Variants in PPFIA2 observed in about 807,000 individuals in gnomAD.
PPFIA2 encodes liprin-alpha-2.
In PPFIA2, 46 loss-of-function variants were observed where a neutral mutation model predicts 175.5. The ratio of observed to expected loss-of-function variants is 0.26; its 90% CI spans 0.21 to 0.34. The LOEUF (loss-of-function observed/expected upper bound fraction) is 0.34. Among genes scored for constraint, PPFIA2 ranks in the 10% least tolerant of loss-of-function variants. PPFIA2 has a pLI of 1.00. For synonymous variants in PPFIA2, 568 were observed against 511.4 expected (o/e 1.11, Z -1.49); for missense variants, 1,179 against 1,506.1 (o/e 0.78, Z 3.60).
chr12:81,362,312 A>G (rs1447716364), intron 15 of PPFIA2, among the ~76,000 whole-genome samples: 4 of 151,364 alleles, frequency 2.6e-5, no homozygotes, highest in African/African-American at 7.3e-5. Flanking sequence ...ACACATATAG[A>G]AAATTTTATG....
chr12:81,576,533 G>A (rs1315386742), intron 4 of PPFIA2, among the ~76,000 whole-genome samples: 1 of 151,576 alleles, frequency 6.6e-6, no homozygotes, highest in Non-Finnish European at 1.5e-5. Flanking sequence ...GTTTTTCTGG[G>A]TCTCATGCAT....
At chr12:81,547,604 G>A (rs1207710762) in intron 4 of PPFIA2, among the ~76,000 whole-genome samples, 1 of 151,946 alleles carries the variant, frequency 6.6e-6, no homozygotes, top group Admixed American at 6.6e-5. Flanking sequence ...CGAACTTACT[G>A]ACTAAGTTTT....
intron 22 of PPFIA2, among the ~76,000 whole-genome samples, chr12:81,320,465 AT>A (rs2053424305): frequency 6.6e-6 from 1 of 152,018 alleles, no homozygotes; most frequent in Non-Finnish European, 1.5e-5. Flanking sequence ...TATGAAATCT[AT>A]TTTCCTTTAG....
intron 7 of PPFIA2, chr12:81,429,996 T>C (rs1420580138): frequency 6.6e-6 from 1 of 152,136 alleles, no homozygotes; most frequent in East Asian, 1.9e-4. Flanking sequence ...CTCACTTTCC[T>C]TAGCAGATAA....
Position 81,329,411 on chromosome 12 carries a change from C to G in PPFIA2, c.2549-3541G>C, listed in dbSNP as rs538710472. On this transcript the variant is annotated intron_variant, in intron 21 of 32. Transcript: ENST00000549396. Reference sequence around the variant, plus strand: ...CTCAGGCATCTTTACTTTTGTGAGGCCTTCGAGGACTTGGAATTATTGAGG... The same window carrying G: ...CTCAGGCATCTTTACTTTTGTGAGGGCTTCGAGGACTTGGAATTATTGAGG... Among the ~76,000 whole-genome samples, 154 of 152,222 alleles carry G rather than the reference C, an allele frequency of 1.0e-3. 1 individual carries two copies. The highest frequency in any genetic ancestry group is 3.4e-3 in the Middle Eastern group (1 of 294).
At chr12:81,449,417 C>T (rs980438529) in intron 5 of PPFIA2, among the ~76,000 whole-genome samples, 1 of 151,194 alleles carries the variant, frequency 6.6e-6, no homozygotes, top group African/African-American at 2.4e-5. Flanking sequence ...AATGACCATA[C>T]TTCTACCAGA....
intron 7 of PPFIA2, among the ~76,000 whole-genome samples, chr12:81,419,381 ATGT>A (rs1465769968): frequency 6.6e-6 from 1 of 152,090 alleles, no homozygotes; most frequent in Non-Finnish European, 1.5e-5. Context: ...AGAACCTCAC[ATGT>A]TGTAGGGAAT....
intron 4 of PPFIA2, among the ~76,000 whole-genome samples, chr12:81,487,038 G>A (rs1593800721): frequency 6.6e-6 from 1 of 151,618 alleles, no homozygotes; most frequent in East Asian, 1.9e-4. Flanking sequence ...TGCAAAACAC[G>A]GTGTGATTTC....
chr12:81,631,052 G>A (rs61934979), intron 4 of PPFIA2, among the ~76,000 whole-genome samples: 6,140 of 151,784 alleles, frequency 0.04, 187 homozygotes, highest in Non-Finnish European at 0.063. Context: ...TCGCTACCAT[G>A]CCAGGCTCAT....
intron 21 of PPFIA2, among the ~76,000 whole-genome samples, chr12:81,333,912 A>G (rs967200913): frequency 1.3e-5 from 2 of 152,172 alleles, no homozygotes; most frequent in Non-Finnish European, 2.9e-5. Flanking sequence ...TCCACTCATC[A>G]GTGGGCAAGG....
At chr12:81,383,411 G>C (rs2038199764) in intron 9 of PPFIA2, among the ~76,000 whole-genome samples, 1 of 152,022 alleles carries the variant, frequency 6.6e-6, no homozygotes, top group East Asian at 1.9e-4. Flanking sequence ...ATTTGACAGT[G>C]TTACAAATTA....
chr12:81,533,936 G>C (rs908981211), intron 4 of PPFIA2, among the ~76,000 whole-genome samples: 1 of 151,050 alleles, frequency 6.6e-6, no homozygotes. Flanking sequence ...ATAAAAAAAC[G>C]AATGGGTAAA....
chr12:81,386,598 G>T (rs1295542420), intron 8 of PPFIA2, among the ~76,000 whole-genome samples: 2 of 151,688 alleles, frequency 1.3e-5, no homozygotes, highest in Non-Finnish European at 2.9e-5. Flanking sequence ...CTCCAGCCTG[G>T]GTGAAAGAGT....
chr12:81,384,361 G>GA, intron 8 of PPFIA2, 117 bp from the exon 9 acceptor site: 1 of 795,120 alleles, frequency 1.3e-6, no homozygotes, highest in African/African-American at 1.8e-5. Flanking sequence ...AAGAAATTCT[G>GA]AAAAGAACTA....
At chr12:81,548,516 G>A (rs2067346119) in intron 4 of PPFIA2, among the ~76,000 whole-genome samples, 1 of 152,022 alleles carries the variant, frequency 6.6e-6, no homozygotes, top group African/African-American at 2.4e-5. Context: ...TGTTTTTCTA[G>A]AGATGGGAGT....
chr12:81,348,883 C>T (rs964957064), intron 17 of PPFIA2, among the ~76,000 whole-genome samples: 1 of 152,074 alleles, frequency 6.6e-6, no homozygotes, highest in Non-Finnish European at 1.5e-5. Flanking sequence ...ATAAGGGGGT[C>T]GTAAAATTCT....
intron 7 of PPFIA2, among the ~76,000 whole-genome samples, chr12:81,412,483 C>T (rs2044167226): frequency 6.6e-6 from 1 of 151,788 alleles, no homozygotes; most frequent in Admixed American, 6.6e-5. Flanking sequence ...ATTATCTTTT[C>T]TTTCCAGGTT....
chr12:81,707,071 G>GA (rs1364517225), intron 3 of PPFIA2, among the ~76,000 whole-genome samples: 1 of 152,042 alleles, frequency 6.6e-6, no homozygotes, highest in Non-Finnish European at 1.5e-5. Context: ...AAAAACCCTA[G>GA]AAAAAAACCT....
chr12:81,350,015 G>C (rs1401572712), intron 17 of PPFIA2, among the ~76,000 whole-genome samples: 3 of 152,108 alleles, frequency 2.0e-5, no homozygotes, highest in Non-Finnish European at 4.4e-5. Flanking sequence ...CTCATTTCAT[G>C]TATTTTTAAA....
Sources: gnomAD v4.1 joint callset for allele counts (sites outside exome capture counted in the v4.1 genomes callset) on GRCh38, gnomAD v4.1.1 for gene constraint, MANE v1.5 for transcripts, NCBI Gene and HGNC (gene_info 2026-07-23, HGNC 2026-07-21) for gene names.